LIN28B: variants seen among roughly 807,000 people sequenced by gnomAD.
LIN28B encodes the protein protein lin-28 homolog B.
Under a neutral mutation model 21.9 loss-of-function variants are expected in LIN28B, and 5 were observed. That is an observed-to-expected ratio of 0.23 (90% CI 0.12 to 0.48). The LOEUF (loss-of-function observed/expected upper bound fraction) is 0.48, where lower values mean the gene tolerates loss of function less well. Among genes scored for constraint, LIN28B ranks in the 20% least tolerant of loss-of-function variants. The pLI is 0.98. For missense variants in LIN28B, 245 were observed against 310.5 expected, an observed-to-expected ratio of 0.79 and a Z score of 1.58; for synonymous variants, 109 against 111.3, an observed-to-expected ratio of 0.98 and a Z score of 0.13.
At chr6:105,062,860 T>A (rs774349880) in intron 3 of LIN28B, among the ~76,000 whole-genome samples, 11 of 152,218 alleles carry the variant, frequency 7.2e-5, no homozygotes, top group Non-Finnish European at 1.2e-4. Context: ...ATTAGAATGA[T>A]CAATTTGATT....
chr6:104,944,541 A>C (rs994308752), intron 2 of LIN28B, among the ~76,000 whole-genome samples: 18 of 152,166 alleles, frequency 1.2e-4, no homozygotes, highest in African/African-American at 4.1e-4. Flanking sequence ...AAAAAATAAG[A>C]ATATAAATTT....
In LIN28B at chr6:105,060,549, T is replaced by A. The variant is rs550614863; in HGVS notation, c.384-17865T>A. Reference sequence around the variant, plus strand: ...TGATAGATGCACCTGGAGTATCAGTTACAGTGACCGATCTGTGACATGGCA... The same window carrying A: ...TGATAGATGCACCTGGAGTATCAGTAACAGTGACCGATCTGTGACATGGCA... On this transcript the variant is annotated intron_variant, in intron 3 of 3. Transcript: ENST00000345080. 4.1e-4 allele frequency among the ~76,000 whole-genome samples: 63 copies of A among 152,292 alleles called. No individual in the cohort carries two copies. In the Middle Eastern group the frequency reaches 0.017, roughly 41 times the overall value.
At chr6:104,976,942 GT>G (rs1394040548) in intron 2 of LIN28B, among the ~76,000 whole-genome samples, 2 of 152,196 alleles carry the variant, frequency 1.3e-5, no homozygotes, top group Non-Finnish European at 2.9e-5. Flanking sequence ...TCTCTCAGAA[GT>G]TGCATTGCCT....
chr6:105,021,558 A>G lies in LIN28B; in HGVS notation c.199-4740A>G, dbSNP rs539107872. ...TAATAATAGCCATTCTGACTGTGGT[A>G]AGATGATATTTCATTGTGGTTTTCT... On this transcript the variant is annotated intron_variant, in intron 2 of 3. Transcript: ENST00000345080. Among the ~76,000 whole-genome samples, 24 of 152,308 alleles carry G rather than the reference A, an allele frequency of 1.6e-4. No individual in the cohort carries two copies. The East Asian group carries it at 4.6e-3, about 29-fold the overall frequency.
intron 2 of LIN28B, among the ~76,000 whole-genome samples, chr6:104,961,022 C>G (rs1322530429): frequency 2.0e-5 from 3 of 152,028 alleles, no homozygotes; most frequent in African/African-American, 7.2e-5. Flanking sequence ...TGAGATTCTG[C>G]TATTTGAGGA....
intron 3 of LIN28B, among the ~76,000 whole-genome samples, chr6:105,032,997 G>A (rs1379827634): frequency 2.0e-5 from 3 of 151,882 alleles, no homozygotes; most frequent in African/African-American, 4.8e-5. Flanking sequence ...GTGGCTTGTC[G>A]TTTCAATCTC....
At chr6:104,976,888 T>A (rs1770107796) in intron 2 of LIN28B, among the ~76,000 whole-genome samples, 1 of 152,178 alleles carries the variant, frequency 6.6e-6, no homozygotes, top group Admixed American at 6.5e-5. Context: ...TTGTTAGCCC[T>A]TACCCTGAAC....
intron 2 of LIN28B, among the ~76,000 whole-genome samples, chr6:105,018,369 ATACACT>A (rs1771070709): frequency 6.6e-6 from 1 of 152,156 alleles, no homozygotes; most frequent in Non-Finnish European, 1.5e-5. Context: ...CTTCACAATG[ATACACT>A]TAAACTACTC....
intron 2 of LIN28B, among the ~76,000 whole-genome samples, chr6:104,987,221 T>G (rs1770365490): frequency 6.6e-6 from 1 of 152,244 alleles, no homozygotes; most frequent in African/African-American, 2.4e-5. Context: ...TTTTTGATGC[T>G]CTTGTTAAAT....
At chr6:105,053,098 TTGATC>T (rs1376417041) in intron 3 of LIN28B, among the ~76,000 whole-genome samples, 44 of 152,266 alleles carry the variant, frequency 2.9e-4, no homozygotes, top group African/African-American at 7.9e-4. Flanking sequence ...GATTTCTTCT[TTGATC>T]TAAGTGTTAT....
intron 3 of LIN28B, among the ~76,000 whole-genome samples, chr6:105,072,050 C>T (rs1772342576): frequency 6.6e-6 from 1 of 151,824 alleles, no homozygotes; most frequent in South Asian, 2.1e-4. Context: ...TCCCCAGTAA[C>T]AAAGTCTCAG....
chr6:105,049,725 C>G (rs1771854078), intron 3 of LIN28B, among the ~76,000 whole-genome samples: 1 of 152,080 alleles, frequency 6.6e-6, no homozygotes, highest in African/African-American at 2.4e-5. Context: ...GTTAGCTCTT[C>G]TTGTTGAATT....
chr6:105,060,429 C>T (rs1421189602), intron 3 of LIN28B, among the ~76,000 whole-genome samples: 1 of 151,988 alleles, frequency 6.6e-6, no homozygotes, highest in African/African-American at 2.4e-5. Flanking sequence ...TGTGCTTGAC[C>T]TATAATTAAT....
chr6:105,067,269 T>A (rs1772236638), intron 3 of LIN28B, among the ~76,000 whole-genome samples: 1 of 152,216 alleles, frequency 6.6e-6, no homozygotes, highest in African/African-American at 2.4e-5. Flanking sequence ...CAAAGGTCAG[T>A]AAGACCAAAT....
rs545828594 is a variant in LIN28B at position 105,068,078 on chromosome 6, T to G, written c.384-10336T>G. The stretch of plus-strand genomic sequence containing the variant: ...TTACTGTATTTTAGCTGGTTTTCAG[T>G]ATACTTTGGTGCATTTTCACTGATG... On this transcript the variant is annotated intron_variant, in intron 3 of 3. Coordinates refer to ENST00000345080, the MANE Select transcript of LIN28B (RefSeq NM_001004317.4). Among the ~76,000 whole-genome samples, 15 of 152,326 alleles carry G rather than the reference T, an allele frequency of 9.8e-5. No homozygotes were observed. In the South Asian group the frequency reaches 3.1e-3, roughly 32 times the overall value.
intron 3 of LIN28B, among the ~76,000 whole-genome samples, chr6:105,051,633 TTATTTAC>T (rs1169620206): frequency 1.3e-5 from 2 of 152,180 alleles, no homozygotes; most frequent in African/African-American, 4.8e-5. Flanking sequence ...CTGGTCTGCC[TTATTTAC>T]TATTGTGTCA....
chr6:104,948,092 T>C (rs1778179194), intron 2 of LIN28B, among the ~76,000 whole-genome samples: 1 of 151,610 alleles, frequency 6.6e-6, no homozygotes, highest in African/African-American at 2.4e-5. Context: ...CAAAGAAGTG[T>C]ATTTTGGGAT....
chr6:105,002,110 T>C (rs2114292130), intron 2 of LIN28B, among the ~76,000 whole-genome samples: 1 of 152,052 alleles, frequency 6.6e-6, no homozygotes, highest in African/African-American at 2.4e-5. Context: ...CCCCGGGGCT[T>C]CCTGACCCTT....
At chr6:105,015,543 GTTGGATTTAGATCTATCGT>G (rs1771010456) in intron 2 of LIN28B, among the ~76,000 whole-genome samples, 1 of 151,984 alleles carries the variant, frequency 6.6e-6, no homozygotes, top group Non-Finnish European at 1.5e-5. Flanking sequence ...TGTTCATATG[GTTGGATTTAGATCTATCGT>G]TTTGATATTC....
Sources: gnomAD v4.1 joint callset for allele counts (sites outside exome capture counted in the v4.1 genomes callset) on GRCh38, gnomAD v4.1.1 for gene constraint, MANE v1.5 for transcripts, NCBI Gene and HGNC (gene_info 2026-07-23, HGNC 2026-07-21) for gene names.